CSMD1: variants seen among roughly 807,000 people sequenced by gnomAD.
CSMD1 encodes CUB and sushi domain-containing protein 1.
Under a neutral mutation model 417.5 loss-of-function variants are expected in CSMD1, and 213 were observed. That is an observed-to-expected ratio of 0.51 (90% confidence interval 0.46 to 0.57). The LOEUF is 0.57. Ranked by LOEUF, CSMD1 falls within the 20% of genes least tolerant of loss-of-function variation. The pLI is 0.00. For missense variants in CSMD1, 6,923 were observed against 4,529.7 expected (o/e 1.53, Z -15.17); for synonymous variants, 2,862 against 1,736.8 (o/e 1.65, Z -16.11).
At chr8:3,858,411 C>T (rs191899319) in intron 5 of CSMD1, among the ~76,000 whole-genome samples, 2 of 152,162 alleles carry the variant, frequency 1.3e-5, no homozygotes, top group East Asian at 1.9e-4. Flanking sequence ...CTGTTTCTTA[C>T]CTTTTAAATC....
At chr8:4,095,892 A>C (rs551325870) in intron 3 of CSMD1, among the ~76,000 whole-genome samples, 260 of 152,316 alleles carry the variant, frequency 1.7e-3, no homozygotes, top group Non-Finnish European at 2.0e-3. Flanking sequence ...AAGAGTAGAA[A>C]CTTTATACAC....
chr8:3,329,205 T>C (rs1391393344), intron 23 of CSMD1, among the ~76,000 whole-genome samples: 2 of 152,068 alleles, frequency 1.3e-5, no homozygotes, highest in African/African-American at 4.8e-5. Flanking sequence ...TTTTAGGATA[T>C]TATCAATAAC....
intron 5 of CSMD1, among the ~76,000 whole-genome samples, chr8:3,762,689 A>G (rs2129056431): frequency 6.6e-6 from 1 of 152,256 alleles, no homozygotes; most frequent in African/African-American, 2.4e-5. Flanking sequence ...AGAGAAAGAG[A>G]GAGAGCCAAA....
chr8:2,962,703 C>G, intron 60 of CSMD1, 64 bp from the exon 61 acceptor site: 5 of 1,495,216 alleles, frequency 3.3e-6, no homozygotes, highest in South Asian at 2.5e-5. Flanking sequence ...ACCAATTGAG[C>G]TTGGTAACTA....
At chr8:3,562,886 T>A (rs1799529613) in intron 10 of CSMD1, among the ~76,000 whole-genome samples, 1 of 151,838 alleles carries the variant, frequency 6.6e-6, no homozygotes, top group Non-Finnish European at 1.5e-5. Flanking sequence ...GTTTACCTTT[T>A]AACAAACCTG....
intron 52 of CSMD1, among the ~76,000 whole-genome samples, chr8:3,011,812 C>G (rs1203536365): frequency 1.3e-5 from 2 of 152,142 alleles, no homozygotes; most frequent in Admixed American, 6.5e-5. Flanking sequence ...GACAGGAAAC[C>G]TAGACCACAA....
intron 6 of CSMD1, among the ~76,000 whole-genome samples, chr8:3,734,953 G>C (rs974048757): frequency 5.3e-5 from 8 of 152,178 alleles, no homozygotes; most frequent in African/African-American, 1.4e-4. Flanking sequence ...CTCCAGAGTA[G>C]CCTCTGTTCT....
chr8:3,920,896 G>T (rs1164034456), intron 5 of CSMD1, among the ~76,000 whole-genome samples: 1 of 152,022 alleles, frequency 6.6e-6, no homozygotes, highest in African/African-American at 2.4e-5. Context: ...GAGAATTTTT[G>T]CATCTATTTT....
rs1265279946 is a variant in CSMD1 at position 3,789,719 on chromosome 8, A to C, written c.819-35677T>G. On this transcript the variant is annotated intron_variant, in intron 5 of 69. Transcript: ENST00000635120. Reference sequence around the variant, plus strand: ...ATTTATCATAGATGTTAAAATGATCATGGTTAATTTTTTTTTTTTTTTTTT... The same window carrying C: ...ATTTATCATAGATGTTAAAATGATCCTGGTTAATTTTTTTTTTTTTTTTTT... Among the ~76,000 whole-genome samples, 20 of 140,702 alleles carry C rather than the reference A, an allele frequency of 1.4e-4. No homozygotes were observed. In the Admixed American group the frequency reaches 1.6e-3, roughly 11 times the overall value. 92.3% of individuals were successfully genotyped at this position (140,702 alleles called of 152,430 possible).
intron 3 of CSMD1, among the ~76,000 whole-genome samples, chr8:4,326,212 G>A (rs113856089): frequency 6.6e-6 from 1 of 152,138 alleles, no homozygotes; most frequent in African/African-American, 2.4e-5. Flanking sequence ...GCCGATTTGG[G>A]AACACTGCTT....
intron 26 of CSMD1, among the ~76,000 whole-genome samples, chr8:3,262,393 C>A (rs1237017740): frequency 6.6e-6 from 1 of 150,928 alleles, no homozygotes; most frequent in Non-Finnish European, 1.5e-5. Context: ...ATGACAGTAT[C>A]CATTTTCAGC....
At chr8:4,117,893 A>G (rs988299176) in intron 3 of CSMD1, among the ~76,000 whole-genome samples, 4 of 152,012 alleles carry the variant, frequency 2.6e-5, no homozygotes, top group Non-Finnish European at 5.9e-5. Context: ...AAAGTAGAGG[A>G]AAGACATTTA....
At chr8:3,636,539 A>G (rs538529374) in intron 7 of CSMD1, among the ~76,000 whole-genome samples, 2 of 152,200 alleles carry the variant, frequency 1.3e-5, no homozygotes, top group Non-Finnish European at 2.9e-5. Context: ...TTAACCTACC[A>G]TCTGTTCCTG....
At chr8:4,872,601 C>G (rs905289066) in intron 1 of CSMD1, among the ~76,000 whole-genome samples, 4 of 152,054 alleles carry the variant, frequency 2.6e-5, no homozygotes, top group East Asian at 1.9e-4. Context: ...TTATAAATTA[C>G]CCAGTCTCAG....
At chr8:4,754,168 A>G (rs1354016569) in intron 1 of CSMD1, among the ~76,000 whole-genome samples, 3 of 152,220 alleles carry the variant, frequency 2.0e-5, no homozygotes, top group Admixed American at 6.5e-5. Flanking sequence ...TGAGCAAAGC[A>G]TGGGCTGAAA....
intron 18 of CSMD1, among the ~76,000 whole-genome samples, chr8:3,377,139 G>A (rs1323286734): frequency 6.6e-6 from 1 of 152,288 alleles, no homozygotes; most frequent in South Asian, 2.1e-4. Flanking sequence ...GTCCTGAACC[G>A]CTGGGACTAT....
intron 5 of CSMD1, among the ~76,000 whole-genome samples, chr8:3,966,735 A>ACG: frequency 1.0e-5 from 1 of 96,264 alleles, no homozygotes; most frequent in South Asian, 4.0e-4. Context: ...ACACACAGAC[A>ACG]CACACACACA....
chr8:4,516,818 T>G (rs183685684), intron 2 of CSMD1, among the ~76,000 whole-genome samples: 41 of 152,278 alleles, frequency 2.7e-4, no homozygotes, highest in Non-Finnish European at 4.4e-5. Context: ...TATTAAATAT[T>G]TATTTTGGTT....
chr8:4,074,874 C>T (rs553004556), intron 3 of CSMD1, among the ~76,000 whole-genome samples: 3 of 152,046 alleles, frequency 2.0e-5, no homozygotes, highest in Non-Finnish European at 2.9e-5. Context: ...AGAATGCACA[C>T]TCCTCTTAAA....
Sources: allele counts gnomAD v4.1 joint callset (sites outside exome capture counted in the v4.1 genomes callset), GRCh38; gene constraint gnomAD v4.1.1; transcripts MANE v1.5; gene names NCBI Gene and HGNC (gene_info 2026-07-23, HGNC 2026-07-21).